PLEC: variants seen among roughly 807,000 people sequenced by gnomAD.
The protein encoded by PLEC is plectin.
In PLEC, 216 loss-of-function variants were observed where a neutral mutation model predicts 392.8. That is an observed-to-expected ratio of 0.55 (90% CI 0.49 to 0.62). The LOEUF is 0.62. PLEC is among the 20% of genes least tolerant of loss of function. PLEC has a pLI of 0.00. For synonymous variants in PLEC, 3,621 were observed against 2,980.6 expected, an observed-to-expected ratio of 1.21 and a Z score of -7.00; for missense variants, 6,863 against 6,563.4, an observed-to-expected ratio of 1.05 and a Z score of -1.58.
rs1260145171 is a variant in PLEC at position 143,920,636 on chromosome 8, G to A, written c.9185C>T (p.Ala3062Val). ...GGGGTCGATGATGTGCCCGGTGCCG[G>A]CCTGGGCTTCCAACAGGGCCACGGC... is the stretch of plus-strand genomic sequence containing the variant. ...DMAVALLEAQ[A>V]GTGHIIDPAT... is the part of the protein sequence containing the mutation. Residue 3062 changes from alanine to valine, a missense_variant, in exon 32 of 32, where the codon GCC becomes GTC. Ala to Val is a moderately conservative substitution (Grantham distance 64, BLOSUM62 0). Coordinates refer to ENST00000345136, the MANE Select transcript of PLEC (RefSeq NM_201384.3). The A allele has an allele frequency of 6.2e-7, 1 of 1,605,798 alleles. No homozygotes were observed. Among genetic ancestry groups the A allele is most frequent in the Admixed American group, 1.7e-5 (1 of 59,998 alleles).
upstream of PLEC, among the ~76,000 whole-genome samples, chr8:143,976,156 A>G (rs1436136760): frequency 6.6e-6 from 1 of 152,110 alleles, no homozygotes; most frequent in Non-Finnish European, 1.5e-5. Context: ...GCCGGGAGGG[A>G]GCCCGGGCCG....
chr8:143,937,713 C>A, intron 3 of PLEC: 1 of 489,860 alleles, frequency 2.0e-6, no homozygotes, highest in Non-Finnish European at 4.0e-6. Flanking sequence ...TTGGGGAGCT[C>A]CCGTGCCGCT....
At chr8:143,972,232 CG>C (rs1377032565) in intron 1 of PLEC, among the ~76,000 whole-genome samples, 6 of 152,326 alleles carry the variant, frequency 3.9e-5, no homozygotes, top group Non-Finnish European at 8.8e-5. Context: ...AGCACCCCTC[CG>C]GGTGCTCCCT....
At chr8:143,952,210 GCGCGCACACA>G (rs1332087206), upstream of PLEC, among the ~76,000 whole-genome samples, 1 of 95,018 alleles carries the variant, frequency 1.1e-5, no homozygotes, top group East Asian at 2.2e-4. Flanking sequence ...ACACACACAC[GCGCGCACACA>G]CGCACGCGCA....
At position 143,966,507 on chromosome 8, in the gene PLEC, C is replaced by A. The variant is rs569262268; in HGVS notation, c.70+6896G>T. Among the ~76,000 whole-genome samples, 3 of 152,372 alleles carry A rather than the reference C, an allele frequency of 2.0e-5. No homozygotes were observed. The South Asian group carries it at 6.2e-4, about 32-fold the overall frequency. ...CCAGGCTGCTCTCTACCTCCACAGC[C>A]ACCACGGGGGACTCCTCAGCCGCTC... On this transcript the variant is annotated intron_variant, in intron 1 of 31. Coordinates refer to the PLEC transcript ENST00000356346.
intron 1 of PLEC, chr8:143,944,815 G>T: frequency 1.4e-6 from 1 of 726,324 alleles, no homozygotes; most frequent in Non-Finnish European, 2.0e-6. Flanking sequence ...TTGTGGGGGA[G>T]GGGAGCAGTG....
intron 1 of PLEC, among the ~76,000 whole-genome samples, chr8:143,961,797 T>C (rs1360903196): frequency 4.6e-5 from 7 of 152,204 alleles, no homozygotes; most frequent in Admixed American, 4.6e-4. Context: ...ACAGATAAAT[T>C]AACACACACT....
chr8:143,948,546 G>A (rs1455787149), intron 1 of PLEC, among the ~76,000 whole-genome samples: 1 of 152,222 alleles, frequency 6.6e-6, no homozygotes, highest in Non-Finnish European at 1.5e-5. Flanking sequence ...GGGCAGAGAG[G>A]GGTTTGAGCC....
intron 1 of PLEC, among the ~76,000 whole-genome samples, chr8:143,962,051 C>T (rs1832893619): frequency 6.6e-6 from 1 of 152,190 alleles, no homozygotes; most frequent in Non-Finnish European, 1.5e-5. Context: ...CCAACTACTG[C>T]AGGATGGCTG....
chr8:143,937,450 G>A (rs1428054471), intron 3 of PLEC, among the ~76,000 whole-genome samples: 2 of 152,030 alleles, frequency 1.3e-5, no homozygotes, highest in African/African-American at 2.4e-5. Flanking sequence ...GAAGTCCAGC[G>A]ACCCAGGCTG....
In PLEC at chr8:143,920,234, T is replaced by C. The variant is rs782778832; in HGVS notation, c.9587A>G (p.Gln3196Arg). Reference protein sequence around the residue: ...TGEPATYGELQQRCRPDQLTG... With the variant: ...TGEPATYGELRQRCRPDQLTG... Reference sequence around the variant, plus strand: ...CAGCTGGTCGGGCCGGCACCGCTGCTGGAGCTCGCCGTAGGTGGCCGGCTC... The same window carrying C: ...CAGCTGGTCGGGCCGGCACCGCTGCCGGAGCTCGCCGTAGGTGGCCGGCTC... Residue 3196 changes from glutamine (Q) to arginine (R), a missense_variant, in exon 32 of 32, where the codon CAG becomes CGG. Transcript: ENST00000345136. 8 of 1,603,684 alleles carry C rather than the reference T, an allele frequency of 5.0e-6. No homozygotes were observed. In the African/African-American group the frequency reaches 5.3e-5, roughly 11 times the overall value.
chr8:143,939,205 G>A, intron 1 of PLEC, 145 bp downstream of exon 1: 2 of 1,157,660 alleles, frequency 1.7e-6, no homozygotes, highest in Non-Finnish European at 2.5e-6. Flanking sequence ...CCCACTCCGT[G>A]TTGGGTGGGG....
chr8:143,958,119 C>A (rs1350875698), upstream of PLEC, among the ~76,000 whole-genome samples: 1 of 152,190 alleles, frequency 6.6e-6, no homozygotes, highest in East Asian at 1.9e-4. This position sits in a 1 kb window ranked among gnomAD's most constrained non-coding sequence, Gnocchi z 4.9. Flanking sequence ...TTCTGCCTCG[C>A]AGCCTTGGCC....
chr8:143,939,299 C>A (rs782640098), intron 1 of PLEC, 51 bp downstream of exon 1: 3 of 1,577,154 alleles, frequency 1.9e-6, no homozygotes, highest in Admixed American at 1.8e-5. Context: ...GGCCTTCCTC[C>A]CGCAGGGGCC....
At position 143,950,308 on chromosome 8, in the gene PLEC, C is replaced by T. The variant is rs782162357; in HGVS notation, c.399G>A (p.Pro133=). Residue 133 remains proline, a synonymous_variant, in exon 1 of 32, where the codon CCG becomes CCA. Coordinates refer to the PLEC transcript ENST00000322810. ...GACGGTAGACCCGCTGCTCCTCCGT[C>T]GGCAGCGGCCCCCGCTTGGGTGGGG... The T allele has an allele frequency of 8.3e-6, 13 of 1,571,858 alleles. No homozygotes were observed. The highest frequency in any genetic ancestry group is 1.7e-4 in the Middle Eastern group (1 of 6,022).
In PLEC at chr8:143,969,182, G is replaced by T. The variant is rs1554743368; in HGVS notation, c.70+4221C>A. Among the ~76,000 whole-genome samples, 1 of 152,216 alleles carries T rather than the reference G, an allele frequency of 6.6e-6. No individual in the cohort carries two copies. The highest frequency in any genetic ancestry group is 1.9e-4 in the East Asian group (1 of 5,206). On this transcript the variant is annotated intron_variant, in intron 1 of 31. Transcript: ENST00000356346. This position sits in a 1 kb window ranked among gnomAD's most constrained non-coding sequence, Gnocchi z 5.1. ...CACGGAACCGACTCCAGCGGGGGGAGGGTGAGGTGCTGATGGCGCGGCGAT... is the reference window on the plus strand; with the variant it reads ...CACGGAACCGACTCCAGCGGGGGGATGGTGAGGTGCTGATGGCGCGGCGAT...
chr8:143,929,887 C>A, intron 22 of PLEC, 49 bp downstream of exon 22: 1 of 1,602,912 alleles, frequency 6.2e-7, no homozygotes, highest in Non-Finnish European at 8.5e-7. Context: ...TGCACAACGC[C>A]TCTCCCCTCC....
In PLEC at chr8:143,921,491, T is replaced by A. The variant is rs782438697; in HGVS notation, c.8330A>T (p.Tyr2777Phe). 2 of 1,613,078 alleles carry A rather than the reference T, an allele frequency of 1.2e-6. No homozygotes were observed. The highest frequency in any genetic ancestry group is 4.5e-5 in the East Asian group (2 of 44,868). Reference protein sequence around the residue: ...LLSAERAVTGYKDPYTGQQIS... With the variant: ...LLSAERAVTGFKDPYTGQQIS... Reference sequence around the variant, plus strand: ...CTGCTGGCCAGTGTAGGGGTCCTTGTAGCCAGTGACGGCGCGCTCGGCCGA... The same window carrying A: ...CTGCTGGCCAGTGTAGGGGTCCTTGAAGCCAGTGACGGCGCGCTCGGCCGA... The change falls in exon 32 of 32, where the codon TAC becomes TTC. Residue 2777 changes from tyrosine (Y) to phenylalanine (F), a missense_variant. Tyr to Phe is a conservative substitution (Grantham distance 22). Coordinates refer to ENST00000345136, the MANE Select transcript of PLEC (RefSeq NM_201384.3).
intron 1 of PLEC, chr8:143,944,829 A>G: frequency 1.7e-6 from 1 of 593,602 alleles, no homozygotes; most frequent in Non-Finnish European, 2.6e-6. Context: ...AGCAGTGGGC[A>G]GGGGCCCAGG....
Sources: allele counts gnomAD v4.1 joint callset (sites outside exome capture counted in the v4.1 genomes callset), GRCh38; gene constraint gnomAD v4.1.1; non-coding constraint Gnocchi (gnomAD v3.1); transcripts MANE v1.5; gene names NCBI Gene and HGNC (gene_info 2026-07-23, HGNC 2026-07-21).